TTC28: variants seen among roughly 807,000 people sequenced by gnomAD.
TTC28 encodes tetratricopeptide repeat protein 28.
In TTC28, 61 loss-of-function variants were observed where a neutral mutation model predicts 198.0. The ratio of observed to expected loss-of-function variants is 0.31; its 90% CI spans 0.25 to 0.38. The LOEUF (loss-of-function observed/expected upper bound fraction) is 0.38, where lower values mean the gene tolerates loss of function less well. TTC28 is among the 10% of genes least tolerant of loss of function. The pLI, the probability that TTC28 is intolerant of heterozygous loss-of-function variation, is 1.00. For synonymous variants in TTC28, 1,171 were observed against 1,297.8 expected (o/e 0.90, Z 2.10); for missense variants, 2,678 against 3,164.0 (o/e 0.85, Z 3.69).
intron 2 of TTC28, among the ~76,000 whole-genome samples, chr22:28,512,856 A>G (rs1476161103): frequency 6.6e-6 from 1 of 152,138 alleles, no homozygotes; most frequent in Non-Finnish European, 1.5e-5. Context: ...TGCAGCAAAG[A>G]ACCACGGCGC....
intron 5 of TTC28, among the ~76,000 whole-genome samples, chr22:28,167,772 G>GC (rs1415148671): frequency 6.6e-6 from 1 of 152,170 alleles, no homozygotes; most frequent in African/African-American, 2.4e-5. Context: ...AGACAGGGAT[G>GC]CCCTCTCTCA....
At chr22:28,543,083 C>T (rs1375541741) in intron 2 of TTC28, among the ~76,000 whole-genome samples, 2 of 152,126 alleles carry the variant, frequency 1.3e-5, no homozygotes, top group African/African-American at 2.4e-5. Context: ...TCCTGTAATC[C>T]CAGCACTTTG....
intron 2 of TTC28, among the ~76,000 whole-genome samples, chr22:28,394,518 A>G (rs2046784489): frequency 6.6e-6 from 1 of 152,172 alleles, no homozygotes; most frequent in East Asian, 1.9e-4. Context: ...TCACACCAAA[A>G]TCACTACTTA....
chr22:28,242,694 T>C (rs1036639420), intron 5 of TTC28, among the ~76,000 whole-genome samples: 2 of 152,182 alleles, frequency 1.3e-5, no homozygotes, highest in Non-Finnish European at 2.9e-5. Flanking sequence ...TATATCTTTG[T>C]TATAATTTCT....
intron 12 of TTC28, among the ~76,000 whole-genome samples, chr22:28,057,734 T>C (rs925200455): frequency 6.6e-6 from 1 of 152,206 alleles, no homozygotes; most frequent in African/African-American, 2.4e-5. Flanking sequence ...TTATTTATTA[T>C]GTATAAGTCT....
rs915054240 is a variant in TTC28 at position 27,983,172 on chromosome 22, T to A, written c.6495A>T (p.Lys2165Asn). Residue 2165 changes from lysine to asparagine, a missense_variant, in exon 23 of 23, where the codon AAA (lysine) becomes AAT (asparagine). Around this residue, in one of 8 missense-constraint regions of TTC28, gnomAD observed 622 missense variants for 656.0 expected, o/e 0.95. Transcript: ENST00000397906. The stretch of plus-strand genomic sequence containing the variant: ...GATGACTCTGTGTCTCCTCCAGAAT[T>A]TTCTGGGCTAACTCTTGTGGATCCA... ...PKLDPQELAQKILEETQSHLI... is the reference protein window; with the variant it reads ...PKLDPQELAQNILEETQSHLI... 1 of 1,551,738 alleles carries A rather than the reference T, an allele frequency of 6.4e-7. No homozygotes were observed. Among genetic ancestry groups the A allele is most frequent in the Non-Finnish European group, 8.7e-7 (1 of 1,147,034 alleles).
chr22:28,500,712 A>G lies in TTC28; in HGVS notation c.381+128840T>C. The stretch of plus-strand genomic sequence containing the variant: ...GACAATTCCGTATCACAGCAATCCC[A>G]TAATTTTCATTAGCAGTAACAATTT... On this transcript the variant is annotated intron_variant, in intron 2 of 22. Coordinates refer to ENST00000397906, the MANE Select transcript of TTC28 (RefSeq NM_001145418.2). Among the ~76,000 whole-genome samples, 2 of 152,160 alleles carry G rather than the reference A, an allele frequency of 1.3e-5. 1 individual carries two copies. The highest frequency in any genetic ancestry group is 6.3e-3 in the Middle Eastern group (2 of 316).
chr22:28,184,737 T>G (rs1924036650), intron 5 of TTC28, among the ~76,000 whole-genome samples: 2 of 152,228 alleles, frequency 1.3e-5, no homozygotes, highest in Non-Finnish European at 1.5e-5. Flanking sequence ...AATTTTAAAT[T>G]TTTCAGTGGT....
intron 12 of TTC28, among the ~76,000 whole-genome samples, chr22:28,066,305 G>GTGTGT (rs1940749099): frequency 2.5e-5 from 3 of 118,362 alleles, no homozygotes; most frequent in Non-Finnish European, 5.0e-5. Flanking sequence ...TGTGTGTGTG[G>GTGTGT]TGTGTGTGTG....
chr22:28,107,167 T>C lies in TTC28; in HGVS notation c.2678A>G (p.Tyr893Cys), dbSNP rs1229317286. 7.1e-6 allele frequency: 11 copies of C among 1,551,610 alleles called. No individual in the cohort carries two copies. Among genetic ancestry groups the C allele is most frequent in the East Asian group, 2.4e-5 (1 of 40,936 alleles). The change falls in exon 7 of 23, where the codon TAT (tyrosine) becomes TGT (cysteine). Residue 893 changes from tyrosine to cysteine, a missense_variant. Tyr to Cys is a radical substitution (Grantham distance 194). Transcript: ENST00000397906. Reference sequence around the variant, plus strand: ...TTCATAGTATTTGATAGCTTCCTCATAGTCACCCAGGGCTTCGTAGCAATC... The same window carrying C: ...TTCATAGTATTTGATAGCTTCCTCACAGTCACCCAGGGCTTCGTAGCAATC... Reference protein sequence around the residue: ...LGDCYEALGDYEEAIKYYEQY... With the variant: ...LGDCYEALGDCEEAIKYYEQY...
intron 13 of TTC28, among the ~76,000 whole-genome samples, chr22:28,016,645 G>A (rs1374761004): frequency 1.3e-5 from 2 of 152,182 alleles, no homozygotes; most frequent in African/African-American, 4.8e-5. Context: ...ACAGTGCTGT[G>A]GCCCAAGGTC....
At chr22:28,200,214 TAA>T (rs1925802014) in intron 5 of TTC28, among the ~76,000 whole-genome samples, 1 of 152,070 alleles carries the variant, frequency 6.6e-6, no homozygotes, top group Non-Finnish European at 1.5e-5. Flanking sequence ...CTCAGCCTCC[TAA>T]GTAGCTGGGA....
At chr22:28,311,786 T>C (rs920279607) in intron 2 of TTC28, among the ~76,000 whole-genome samples, 1 of 152,076 alleles carries the variant, frequency 6.6e-6, no homozygotes, top group Admixed American at 6.6e-5. Context: ...TTTTTACTCA[T>C]TAACTATCTC....
At chr22:28,401,160 A>G (rs892921836) in intron 2 of TTC28, among the ~76,000 whole-genome samples, 5 of 151,888 alleles carry the variant, frequency 3.3e-5, no homozygotes, top group Admixed American at 3.3e-4. Flanking sequence ...GAGAAAGAGG[A>G]AAAGGAAGAG....
intron 5 of TTC28, among the ~76,000 whole-genome samples, chr22:28,281,176 C>T (rs898228122): frequency 1.3e-5 from 2 of 152,110 alleles, no homozygotes; most frequent in African/African-American, 4.8e-5. Flanking sequence ...TCTACTAACA[C>T]TCTCTTTTGC....
chr22:28,450,145 G>C (rs535414307), intron 2 of TTC28, among the ~76,000 whole-genome samples: 1 of 152,080 alleles, frequency 6.6e-6, no homozygotes, highest in Non-Finnish European at 1.5e-5. Flanking sequence ...TAAAGAGATG[G>C]GGGGTCATTG....
intron 2 of TTC28, among the ~76,000 whole-genome samples, chr22:28,396,179 T>C (rs940563508): frequency 1.3e-5 from 2 of 152,072 alleles, no homozygotes; most frequent in Admixed American, 6.5e-5. Flanking sequence ...TTCTAAAGAG[T>C]GACACATCAA....
chr22:28,077,732 A>T (rs1941214420), intron 12 of TTC28, among the ~76,000 whole-genome samples: 1 of 152,256 alleles, frequency 6.6e-6, no homozygotes, highest in Admixed American at 6.5e-5. Context: ...GTAAATATAG[A>T]AAAACACCAA....
At chr22:28,553,706 G>A (rs1171323881) in intron 2 of TTC28, among the ~76,000 whole-genome samples, 4 of 151,808 alleles carry the variant, frequency 2.6e-5, no homozygotes, top group Admixed American at 6.5e-5. Flanking sequence ...GGGAGGTGGG[G>A]GGTCAGCCCC....
Sources: gnomAD v4.1 joint callset for allele counts (sites outside exome capture counted in the v4.1 genomes callset) on GRCh38, gnomAD v4.1.1 for gene constraint, gnomAD v4.1.1 regional missense constraint, MANE v1.5 for transcripts, NCBI Gene and HGNC (gene_info 2026-07-23, HGNC 2026-07-21) for gene names.